FNBP1: variants seen among roughly 807,000 people sequenced by gnomAD.
FNBP1 encodes formin-binding protein 1.
In FNBP1, 26 loss-of-function variants were observed where a neutral mutation model predicts 90.6. That is an observed-to-expected ratio of 0.29 (90% CI 0.21 to 0.40). The LOEUF is 0.40. FNBP1 is among the 10% of genes least tolerant of loss of function. The pLI is 1.00. For missense variants in FNBP1, 635 were observed against 768.0 expected (o/e 0.83, Z 2.05); for synonymous variants, 260 against 265.2 (o/e 0.98, Z 0.19).
intron 1 of FNBP1, among the ~76,000 whole-genome samples, chr9:130,023,512 T>C (rs2058050936): frequency 6.6e-6 from 1 of 152,134 alleles, no homozygotes; most frequent in Admixed American, 6.6e-5. Flanking sequence ...TTCAAAGCCC[T>C]GAGGTGGAAG....
rs573801863 is a variant in FNBP1, at chr9:130,035,527, G to A, written c.24+7425C>T. ...TTCTTCCAGGATATTGGCACAAATG[G>A]TAGTTACCTTGCTGGATTCTTGTAA... On this transcript the variant is annotated intron_variant, in intron 1 of 16. Transcript: ENST00000446176. Among the ~76,000 whole-genome samples, 4 of 152,302 alleles carry A rather than the reference G, an allele frequency of 2.6e-5. No individual in the cohort carries two copies. In the East Asian group the frequency reaches 7.7e-4, roughly 29 times the overall value.
intron 6 of FNBP1, among the ~76,000 whole-genome samples, chr9:129,939,144 T>C (rs565117588): frequency 3.5e-4 from 53 of 152,070 alleles, no homozygotes; most frequent in African/African-American, 1.1e-3. Context: ...ATCCCAGCAC[T>C]TTGGGAGGCT....
chr9:129,937,066 A>G (rs1226336681), intron 6 of FNBP1, among the ~76,000 whole-genome samples: 1 of 152,064 alleles, frequency 6.6e-6, no homozygotes, highest in African/African-American at 2.4e-5. Context: ...GCTGCTTGGG[A>G]GGCTGAGGCA....
chr9:129,983,018 T>G (rs779129773), intron 2 of FNBP1, among the ~76,000 whole-genome samples: 8 of 152,222 alleles, frequency 5.3e-5, no homozygotes, highest in Admixed American at 2.0e-4. Flanking sequence ...ACTTACAAAT[T>G]GAAAATACCA....
chr9:129,992,242 C>T (rs1239312233), intron 2 of FNBP1, among the ~76,000 whole-genome samples: 1 of 152,106 alleles, frequency 6.6e-6, no homozygotes, highest in African/African-American at 2.4e-5. Flanking sequence ...TCGCACGTAG[C>T]CCATTTTCAC....
At position 129,919,914 on chromosome 9, in the gene FNBP1, A is replaced by G. The variant is rs1294509883; in HGVS notation, c.1170+3930T>C. ...CTGTCAGCCATGCCATGGATGTCCC[A>G]TGCAAGATCCATGTTGAGACTGCTT... On this transcript the variant is annotated intron_variant, in intron 10 of 16. Transcript: ENST00000446176. Among the ~76,000 whole-genome samples the G allele has an allele frequency of 2.0e-5, 3 of 152,342 alleles. No individual in the cohort carries two copies. In the East Asian group the frequency reaches 5.8e-4, roughly 29 times the overall value.
chr9:129,916,001 G>A (rs1487320753), intron 10 of FNBP1, 21 bp from the exon 11 acceptor site: 2 of 1,589,364 alleles, frequency 1.3e-6, no homozygotes, highest in Admixed American at 1.7e-5. Flanking sequence ...AAATTGGAGA[G>A]GTATGGGAAA....
intron 2 of FNBP1, 26 bp from the exon 3 acceptor site, chr9:129,979,400 G>A: frequency 1.3e-6 from 2 of 1,496,756 alleles, no homozygotes; most frequent in Non-Finnish European, 1.8e-6. Flanking sequence ...AGACATGTCA[G>A]CTTTATATAG....
chr9:129,988,660 G>C (rs1470641885), intron 2 of FNBP1, among the ~76,000 whole-genome samples: 1 of 152,164 alleles, frequency 6.6e-6, no homozygotes, highest in African/African-American at 2.4e-5. Context: ...CTGGGTGACA[G>C]AGCGAGACTC....
chr9:129,993,337 T>C (rs374330485), intron 2 of FNBP1, among the ~76,000 whole-genome samples: 5 of 151,796 alleles, frequency 3.3e-5, no homozygotes, highest in South Asian at 4.1e-4. Flanking sequence ...ACTACAACTA[T>C]ACAACATGAA....
intron 6 of FNBP1, among the ~76,000 whole-genome samples, chr9:129,949,075 A>G (rs2045784632): frequency 6.6e-6 from 1 of 152,102 alleles, no homozygotes; most frequent in Admixed American, 6.6e-5. Flanking sequence ...GCAGCAGGGG[A>G]GCCTGTTTCA....
At position 129,900,130 on chromosome 9, in the gene FNBP1, C is replaced by T. The variant is rs1482288277; in HGVS notation, c.1551-29G>A. The T allele has an allele frequency of 3.2e-6, 5 of 1,572,666 alleles. No individual in the cohort carries two copies. The highest frequency in any genetic ancestry group is 4.3e-6 in the Non-Finnish European group (5 of 1,159,502). On this transcript the variant is annotated intron_variant, in intron 14 of 16. Transcript: ENST00000446176. This position sits in a 1 kb window ranked among gnomAD's most constrained non-coding sequence, Gnocchi z 4.1. ...CTCAAGAAAGGAAAACACAAAGCAACTAAAGCGACTGACCCCAGGGAGGAC... is the reference window on the plus strand; with the variant it reads ...CTCAAGAAAGGAAAACACAAAGCAATTAAAGCGACTGACCCCAGGGAGGAC...
intron 2 of FNBP1, among the ~76,000 whole-genome samples, chr9:129,993,529 G>A (rs2053535710): frequency 6.7e-6 from 1 of 148,508 alleles, no homozygotes. Flanking sequence ...TGCCCAGGCT[G>A]GTCTTGAAGT....
chr9:129,993,718 G>C (rs912985240), intron 2 of FNBP1, among the ~76,000 whole-genome samples: 1 of 151,260 alleles, frequency 6.6e-6, no homozygotes, highest in East Asian at 1.9e-4. Flanking sequence ...TCCACCTCCC[G>C]GGTTCAAGCA....
intron 16 of FNBP1, 39 bp downstream of exon 16, chr9:129,895,788 ATTTTTTTTAAG>A (rs2035613573): frequency 1.4e-6 from 2 of 1,479,986 alleles, no homozygotes; most frequent in Non-Finnish European, 1.8e-6. Flanking sequence ...AAACAACTCC[ATTTTTTTTAAG>A]TTTTTTTTTT....
At position 129,900,597 on chromosome 9, in the gene FNBP1, A is replaced by G; in HGVS notation, c.1429-50T>C. On this transcript the variant is annotated intron_variant, in intron 13 of 16. Transcript: ENST00000446176. The surrounding 1 kb of genome is among the most constrained non-coding windows in gnomAD (Gnocchi z 4.1). ...TCCAACCTAAGGCCATCTGAGGGTC[A>G]GCCCAGAGTGTCCTAAGGTCCCAAA... 6.9e-7 allele frequency: 1 copy of G among 1,443,062 alleles called. No homozygotes were observed. Among genetic ancestry groups the G allele is most frequent in the Non-Finnish European group, 9.1e-7 (1 of 1,100,090 alleles). 89.4% of individuals were successfully genotyped at this position (1,443,062 alleles called of 1,614,324 possible). A position where few individuals can be genotyped will look rare whatever the true frequency, so the allele number is the denominator to read the frequency against.
intron 1 of FNBP1, among the ~76,000 whole-genome samples, chr9:130,007,239 C>CAAAAAAAAAAAAAAAAAAA (rs72063140): frequency 2.9e-4 from 22 of 76,918 alleles, no homozygotes; most frequent in East Asian, 1.2e-3. Flanking sequence ...GAGATCCTGT[C>CAAAAAAAAAAAAAAAAAAA]AAAAAAAAAA....
intron 1 of FNBP1, among the ~76,000 whole-genome samples, chr9:130,036,465 T>C (rs967140992): frequency 6.6e-6 from 1 of 152,194 alleles, no homozygotes; most frequent in Admixed American, 6.5e-5. Context: ...TTTACACAAA[T>C]TTTCAGGATT....
At chr9:130,021,744 T>A (rs1292266846) in intron 1 of FNBP1, among the ~76,000 whole-genome samples, 1 of 152,154 alleles carries the variant, frequency 6.6e-6, no homozygotes, top group Non-Finnish European at 1.5e-5. Context: ...CGCTGAACCG[T>A]TAAAGATCAA....
Sources: allele counts gnomAD v4.1 joint callset (sites outside exome capture counted in the v4.1 genomes callset), GRCh38; gene constraint gnomAD v4.1.1; non-coding constraint Gnocchi (gnomAD v3.1); transcripts MANE v1.5; gene names NCBI Gene and HGNC (gene_info 2026-07-23, HGNC 2026-07-21).